The following TMOD1 variants were observed in gnomAD, a reference collection of about 807,000 sequenced individuals.
TMOD1 encodes tropomodulin 1, also known as tropomodulin-1.
TMOD1 carries 17 observed loss-of-function variants against 40.6 expected under a neutral mutation model. The observed-to-expected ratio is 0.42, with a 90% CI of 0.29 to 0.63. The LOEUF (loss-of-function observed/expected upper bound fraction) is 0.63, where lower values mean the gene tolerates loss of function less well. TMOD1 is among the 20% of genes least tolerant of loss of function. The pLI is 0.22. For synonymous variants in TMOD1, 181 were observed against 175.0 expected (o/e 1.03, Z -0.27); for missense variants, 391 against 447.6 (o/e 0.87, Z 1.14).
chr9:97,559,067 C>T (rs1220076074), intron 4 of TMOD1, among the ~76,000 whole-genome samples: 1 of 152,200 alleles, frequency 6.6e-6, no homozygotes, highest in African/African-American at 2.4e-5. Flanking sequence ...CCACCTCTCT[C>T]CACTCTAAGC....
chr9:97,566,399 A>G (rs1430755673), intron 7 of TMOD1, among the ~76,000 whole-genome samples: 3 of 152,180 alleles, frequency 2.0e-5, no homozygotes, highest in Admixed American at 6.5e-5. Flanking sequence ...GGTTGGGCGC[A>G]GTGGCTCACA....
intron 4 of TMOD1, among the ~76,000 whole-genome samples, chr9:97,559,013 T>C (rs1036896868): frequency 2.0e-5 from 3 of 152,178 alleles, no homozygotes; most frequent in African/African-American, 7.2e-5. Flanking sequence ...TTCTAGACCA[T>C]CACAGGAAGC....
At chr9:97,582,836 T>C in intron 8 of TMOD1, among the ~76,000 whole-genome samples, 1 of 145,228 alleles carries the variant, frequency 6.9e-6, no homozygotes, top group African/African-American at 2.6e-5. Context: ...CTTGTGATTT[T>C]TGTACATTGA....
intron 1 of TMOD1, among the ~76,000 whole-genome samples, chr9:97,510,531 T>C (rs1299128333): frequency 6.6e-6 from 1 of 152,238 alleles, no homozygotes; most frequent in East Asian, 1.9e-4. Context: ...ACACCCGGTC[T>C]ACAGGTTAGC....
chr9:97,506,507 C>T (rs1370183443), intron 1 of TMOD1, among the ~76,000 whole-genome samples: 2 of 152,322 alleles, frequency 1.3e-5, no homozygotes, highest in African/African-American at 4.8e-5. Context: ...ACAGCATGTT[C>T]TCCTACCCGA....
chr9:97,587,539 A>T (rs1038347491), intron 8 of TMOD1, among the ~76,000 whole-genome samples: 3 of 150,574 alleles, frequency 2.0e-5, no homozygotes, highest in Non-Finnish European at 4.4e-5. Flanking sequence ...ATGTCTCTTC[A>T]TATCCTTTCC....
rs138954345 is a variant in TMOD1, at chr9:97,597,806, C to G, written c.1016-1828C>G. 3.7e-3 allele frequency among the ~76,000 whole-genome samples: 559 copies of G among 152,038 alleles called. 3 individuals carry two copies. Among genetic ancestry groups the G allele is most frequent in the African/African-American group, 0.013 (541 of 41,474 alleles). ...GGGCAAGTAATGGAAAATAACCCCC[C>G]CACCAAGCCATAGGGTCCTTTCTGT... On this transcript the variant is annotated intron_variant, in intron 9 of 9. Transcript: ENST00000259365.
intron 8 of TMOD1, among the ~76,000 whole-genome samples, chr9:97,577,233 G>A (rs931588821): frequency 1.3e-5 from 2 of 149,116 alleles, no homozygotes; most frequent in Admixed American, 1.3e-4. Context: ...TACCTTACCA[G>A]GCAGTTCCTC....
At chr9:97,549,920 T>C (rs923719607) in intron 3 of TMOD1, among the ~76,000 whole-genome samples, 4 of 152,140 alleles carry the variant, frequency 2.6e-5, no homozygotes, top group African/African-American at 9.7e-5. Flanking sequence ...GTAAAACTTA[T>C]ATAACATAAA....
rs1211363485 is a variant in TMOD1 at position 97,502,898 on chromosome 9, T to C, written c.-49+1095T>C. Among the ~76,000 whole-genome samples, 3 of 152,108 alleles carry C rather than the reference T, an allele frequency of 2.0e-5. No homozygotes were observed. Among genetic ancestry groups the C allele is most frequent in the Non-Finnish European group, 4.4e-5 (3 of 68,014 alleles). ...CCTGGCCACAGTTTCCCGGTCTATA[T>C]CGGGCCTATGATGCGTCCTCCAACC... On this transcript the variant is annotated intron_variant, in intron 1 of 9. Coordinates refer to ENST00000259365, the MANE Select transcript of TMOD1 (RefSeq NM_003275.4). This position sits in a 1 kb window ranked among gnomAD's most constrained non-coding sequence, Gnocchi z 6.1.
intron 7 of TMOD1, among the ~76,000 whole-genome samples, chr9:97,566,633 T>C (rs767643683): frequency 2.6e-5 from 4 of 152,024 alleles, no homozygotes; most frequent in African/African-American, 4.8e-5. Context: ...ATTGCACCAC[T>C]ATACTCCAGC....
intron 8 of TMOD1, among the ~76,000 whole-genome samples, chr9:97,590,367 G>T (rs966128817): frequency 1.3e-5 from 2 of 151,976 alleles, no homozygotes; most frequent in Non-Finnish European, 2.9e-5. Context: ...GGGACTACAG[G>T]TGCCCGCCAT....
intron 2 of TMOD1, among the ~76,000 whole-genome samples, chr9:97,545,394 C>A (rs1259460265): frequency 6.6e-6 from 1 of 152,202 alleles, no homozygotes; most frequent in African/African-American, 2.4e-5. Flanking sequence ...CCAATCCCCC[C>A]AATAGGAATC....
chr9:97,530,017 G>A (rs1243592335), intron 2 of TMOD1, among the ~76,000 whole-genome samples: 2 of 152,168 alleles, frequency 1.3e-5, no homozygotes, highest in Non-Finnish European at 2.9e-5. Context: ...AGCGGTGCTG[G>A]GATTCCAACC....
intron 6 of TMOD1, among the ~76,000 whole-genome samples, chr9:97,564,542 C>T (rs4743110): frequency 0.82 from 124,287 of 151,744 alleles, 51,097 homozygotes; most frequent in Middle Eastern, 0.89. Context: ...TGGAAAAGTC[C>T]GGTGCCCACT....
chr9:97,552,767 C>T (rs927443673), intron 3 of TMOD1, among the ~76,000 whole-genome samples: 10 of 152,184 alleles, frequency 6.6e-5, no homozygotes, highest in African/African-American at 2.4e-4. Context: ...TATGGGTGGG[C>T]ATGACAGTGA....
At chr9:97,546,852 C>A (rs1471758953) in intron 3 of TMOD1, among the ~76,000 whole-genome samples, 1 of 147,406 alleles carries the variant, frequency 6.8e-6, no homozygotes, top group African/African-American at 2.5e-5. Context: ...TCGCGTGAAC[C>A]CAGGAGGTGG....
intron 2 of TMOD1, among the ~76,000 whole-genome samples, chr9:97,526,280 A>G (rs1830012736): frequency 1.3e-5 from 2 of 152,366 alleles, no homozygotes; most frequent in South Asian, 4.1e-4. Flanking sequence ...CATAGTTGGC[A>G]CATTTAGAAG....
chr9:97,598,025 T>C (rs1587969026), intron 9 of TMOD1, among the ~76,000 whole-genome samples: 3 of 152,072 alleles, frequency 2.0e-5, no homozygotes, highest in African/African-American at 7.2e-5. Context: ...AGGCTCAAGA[T>C]GAGTCAAAAG....
Sources: gnomAD v4.1 joint callset for allele counts (sites outside exome capture counted in the v4.1 genomes callset) on GRCh38, gnomAD v4.1.1 for gene constraint, Gnocchi (gnomAD v3.1) non-coding constraint, MANE v1.5 for transcripts, NCBI Gene and HGNC (gene_info 2026-07-23, HGNC 2026-07-21) for gene names.